The following ATXN7 variants were observed in gnomAD, a reference collection of about 807,000 sequenced individuals.
The protein encoded by ATXN7 is ataxin-7.
Under a neutral mutation model 70.5 loss-of-function variants are expected in ATXN7, and 12 were observed. The ratio of observed to expected loss-of-function variants is 0.17; its 90% CI spans 0.11 to 0.28. The LOEUF is 0.28. Ranked by LOEUF, ATXN7 falls within the 10% of genes least tolerant of loss-of-function variation. The pLI, the probability that ATXN7 is intolerant of heterozygous loss-of-function variation, is 1.00. For synonymous variants in ATXN7, 498 were observed against 448.7 expected (o/e 1.11, Z -1.39); for missense variants, 1,256 against 1,131.7 (o/e 1.11, Z -1.58).
rs751693748 is a variant in ATXN7 at position 63,912,835 on chromosome 3, G to C, written c.237G>C (p.Gly79=). ...STSAAAMATV[G]ERRPLPSPEV... ...CGGCCGCCGCAATGGCGACGGTCGG[G>C]GAGCGCAGGCCTCTGCCCAGTCCTG... is the stretch of plus-strand genomic sequence containing the variant. The change falls in exon 3 of 13, where the codon GGG becomes GGC. Residue 79 remains glycine, a synonymous_variant. Transcript: ENST00000674280. 6.3e-7 allele frequency: 1 copy of C among 1,594,408 alleles called. No individual in the cohort carries two copies. Among genetic ancestry groups the C allele is most frequent in the South Asian group, 1.1e-5 (1 of 90,038 alleles).
chr3:63,923,923 A>ATT (rs1351077435), intron 4 of ATXN7, among the ~76,000 whole-genome samples: 6 of 152,156 alleles, frequency 3.9e-5, no homozygotes, highest in African/African-American at 1.4e-4. Context: ...AGGAATTTGG[A>ATT]TTTAAGTGTA....
intron 5 of ATXN7, among the ~76,000 whole-genome samples, chr3:63,962,758 T>C (rs1183958491): frequency 1.3e-5 from 2 of 152,076 alleles, no homozygotes; most frequent in East Asian, 3.9e-4. Flanking sequence ...TAAGATGTTA[T>C]TTTGCCAAAG....
chr3:63,887,380 T>G lies in ATXN7; in HGVS notation c.-110-11019T>G, dbSNP rs190860914. Among the ~76,000 whole-genome samples the G allele has an allele frequency of 2.6e-5, 4 of 152,340 alleles. No individual in the cohort carries two copies. In the East Asian group the frequency reaches 7.7e-4, roughly 29 times the overall value. On this transcript the variant is annotated intron_variant, in intron 1 of 12. Coordinates refer to ENST00000674280, the MANE Select transcript of ATXN7 (RefSeq NM_001377405.1). ...TGTATTAATTTAGCCAGAGAGATGT[T>G]TGAAGTGTAGAAACTATTGCCATGT...
At chr3:63,884,203 G>GCACA (rs57391192) in intron 1 of ATXN7, among the ~76,000 whole-genome samples, 89 of 143,032 alleles carry the variant, frequency 6.2e-4, no homozygotes, top group African/African-American at 1.9e-3. Context: ...AATAACATGC[G>GCACA]CACACACACA....
At chr3:63,908,703 G>T (rs1278495870) in intron 2 of ATXN7, among the ~76,000 whole-genome samples, 2 of 152,164 alleles carry the variant, frequency 1.3e-5, no homozygotes, top group Non-Finnish European at 2.9e-5. Flanking sequence ...CATTAAACTG[G>T]ATTTAATGTA....
At chr3:63,973,610 C>T (rs991932958) in intron 5 of ATXN7, among the ~76,000 whole-genome samples, 17 of 152,104 alleles carry the variant, frequency 1.1e-4, no homozygotes, top group African/African-American at 4.1e-4. Context: ...CTGGGTGTGC[C>T]GCAGCTTGCC....
chr3:63,872,070 G>C (rs1351771015), intron 1 of ATXN7, among the ~76,000 whole-genome samples: 1 of 152,076 alleles, frequency 6.6e-6, no homozygotes, highest in Non-Finnish European at 1.5e-5. Context: ...TTCTGGTGGA[G>C]ATACAGTTCA....
chr3:63,917,232 A>G (rs922846674), intron 4 of ATXN7, among the ~76,000 whole-genome samples: 3 of 152,158 alleles, frequency 2.0e-5, no homozygotes, highest in Non-Finnish European at 1.5e-5. Flanking sequence ...CGTTTTTGAA[A>G]TGATTAAACG....
rs1175948780 is a variant in ATXN7 at position 63,956,420 on chromosome 3, C to CAAAAAA, written c.499+3958_499+3963dup. ...TGGGTGACGGAGCGAGACTGCATCT[C>CAAAAAA]AAAAAAAAAAAAAAAAAAAAAAAAA... On this transcript the variant is annotated intron_variant, in intron 5 of 12. Coordinates refer to ENST00000674280, the MANE Select transcript of ATXN7 (RefSeq NM_001377405.1). 3.0e-4 allele frequency among the ~76,000 whole-genome samples: 11 copies of CAAAAAA among 36,694 alleles called. 1 individual carries two copies. Among genetic ancestry groups the CAAAAAA allele is most frequent in the African/African-American group, 1.1e-3 (11 of 10,254 alleles). The allele number at this position is 36,694 out of a possible 152,430, so 24.1% of individuals were successfully genotyped here.
At chr3:63,917,076 C>T (rs548609018) in intron 4 of ATXN7, among the ~76,000 whole-genome samples, 2 of 152,090 alleles carry the variant, frequency 1.3e-5, no homozygotes, top group South Asian at 2.1e-4. Context: ...CCTGCCACCA[C>T]GCCTGGCTAC....
intron 1 of ATXN7, among the ~76,000 whole-genome samples, chr3:63,894,750 C>T (rs1703393448): frequency 1.3e-5 from 2 of 152,150 alleles, no homozygotes; most frequent in South Asian, 4.1e-4. Context: ...TCTTGAACTC[C>T]TGGACTTAAG....
rs79835719 is a variant in ATXN7 at position 63,911,341 on chromosome 3, G to A, written c.-11-1247G>A. Among the ~76,000 whole-genome samples the A allele has an allele frequency of 2.6e-3, 398 of 152,280 alleles. 2 individuals are homozygous for A. Among genetic ancestry groups the A allele is most frequent in the African/African-American group, 9.0e-3 (374 of 41,554 alleles). ...CTATCGCTAAGCAAATGTTGTGTAT[G>A]TTGGGGAGGGGTGCTAAGTTTTGCG... On this transcript the variant is annotated intron_variant, in intron 2 of 12. Transcript: ENST00000674280.
intron 1 of ATXN7, among the ~76,000 whole-genome samples, chr3:63,887,140 A>G (rs140511570): frequency 1.6e-3 from 241 of 152,332 alleles, no homozygotes; most frequent in Non-Finnish European, 3.0e-3. Context: ...ATTCAGAGTC[A>G]TGACGAACTG....
intron 11 of ATXN7, among the ~76,000 whole-genome samples, chr3:63,994,515 G>C (rs528784881): frequency 2.6e-5 from 4 of 152,350 alleles, no homozygotes; most frequent in Non-Finnish European, 4.4e-5. Context: ...GATTACAGTT[G>C]TGAGCCACTG....
At chr3:63,993,275 A>ATTTTTTTTTTTTTT (rs556994956) in intron 11 of ATXN7, among the ~76,000 whole-genome samples, 3 of 115,992 alleles carry the variant, frequency 2.6e-5, no homozygotes, top group African/African-American at 9.7e-5. Context: ...TTGTTGGTGT[A>ATTTTTTTTTTTTTT]TTTTTTTTTT....
rs776055529 is a variant in ATXN7 at position 64,002,860 on chromosome 3, A to G, written c.*3393A>G. ...ACTTACACGATGTGTCCGTTTTGTT[A>G]TTCACTCATGAAATACAATTTAAAA... On this transcript the variant is annotated 3_prime_UTR_variant, in exon 13 of 13. Transcript: ENST00000674280. The G allele has an allele frequency of 1.3e-5, 2 of 152,166 alleles. No homozygotes were observed. Among genetic ancestry groups the G allele is most frequent in the Admixed American group, 6.5e-5 (1 of 15,268 alleles). The allele number at this position is 152,166 out of a possible 1,614,324, so 9.4% of individuals were successfully genotyped here.
chr3:63,871,629 A>G (rs1281311880), intron 1 of ATXN7, among the ~76,000 whole-genome samples: 3 of 152,150 alleles, frequency 2.0e-5, no homozygotes, highest in African/African-American at 7.2e-5. Flanking sequence ...ATATGCTGCA[A>G]TCTTTAAAAA....
chr3:63,996,421 A>G lies in ATXN7; in HGVS notation c.2599A>G (p.Met867Val), dbSNP rs1463043452. The change falls in exon 12 of 13, where the codon ATG becomes GTG. Residue 867 changes from methionine to valine, a missense_variant. Met to Val is a conservative substitution (Grantham distance 21). Transcript: ENST00000674280. ...AKVPAVNNVH[M>V]KHTGTIPGAQ... ...AGTGCCAGCCGTGAACAATGTCCAC[A>G]TGAAACACACAGGCACCATCCCAGG... 1.2e-6 allele frequency: 2 copies of G among 1,614,222 alleles called. No individual in the cohort carries two copies. Among genetic ancestry groups the G allele is most frequent in the South Asian group, 1.1e-5 (1 of 91,088 alleles).
intron 1 of ATXN7, among the ~76,000 whole-genome samples, chr3:63,887,648 C>G (rs966609388): frequency 1.3e-5 from 2 of 152,076 alleles, no homozygotes; most frequent in African/African-American, 4.8e-5. Context: ...TATGGTAGCA[C>G]TATCTCAGCT....
Sources: gnomAD v4.1 joint callset for allele counts (sites outside exome capture counted in the v4.1 genomes callset) on GRCh38, gnomAD v4.1.1 for gene constraint, MANE v1.5 for transcripts, NCBI Gene and HGNC (gene_info 2026-07-23, HGNC 2026-07-21) for gene names.